KCNK2: variants seen among roughly 807,000 people sequenced by gnomAD.
The protein encoded by KCNK2 is potassium channel subfamily K member 2.
In KCNK2, 21 loss-of-function variants were observed where a neutral mutation model predicts 40.5. That is an observed-to-expected ratio of 0.52 (90% CI 0.37 to 0.75). KCNK2 has a LOEUF of 0.75. KCNK2 is among the 30% of genes least tolerant of loss of function. KCNK2 has a pLI of 0.00. For missense variants in KCNK2, 399 were observed against 531.6 expected (o/e 0.75, Z 2.45); for synonymous variants, 191 against 202.2 (o/e 0.94, Z 0.47).
intron 3 of KCNK2, among the ~76,000 whole-genome samples, chr1:215,148,811 G>A (rs752616621): frequency 2.0e-5 from 3 of 152,216 alleles, no homozygotes; most frequent in Non-Finnish European, 4.4e-5. Context: ...GACTGTGTGT[G>A]AAAGTGGTGT....
At chr1:215,007,029 A>ATGTGTGTGTGTG (rs1447540201) in intron 1 of KCNK2, among the ~76,000 whole-genome samples, 115 of 68,364 alleles carry the variant, frequency 1.7e-3, no homozygotes, top group East Asian at 4.1e-3. Flanking sequence ...ATATATATAT[A>ATGTGTGTGTGTG]TATATATATG....
chr1:215,212,509 G>A (rs1328015517), intron 6 of KCNK2, among the ~76,000 whole-genome samples: 1 of 152,118 alleles, frequency 6.6e-6, no homozygotes, highest in South Asian at 2.1e-4. Flanking sequence ...TGTTTCTAGA[G>A]AACAATAAGC....
intron 3 of KCNK2, among the ~76,000 whole-genome samples, chr1:215,153,315 G>A (rs1662767802): frequency 6.6e-6 from 1 of 152,148 alleles, no homozygotes; most frequent in Admixed American, 6.5e-5. Context: ...ATATTCTTAA[G>A]TCACGATCCA....
At chr1:215,231,861 C>T (rs921205544) in intron 6 of KCNK2, among the ~76,000 whole-genome samples, 3 of 152,078 alleles carry the variant, frequency 2.0e-5, no homozygotes, top group Non-Finnish European at 2.9e-5. Flanking sequence ...TACGTGGCAG[C>T]GGGCAAGAGA....
chr1:215,042,053 G>A (rs1562993), intron 1 of KCNK2, among the ~76,000 whole-genome samples: 129,527 of 152,032 alleles, frequency 0.85, 55,458 homozygotes, highest in East Asian at 0.99. Flanking sequence ...CTTATTAACT[G>A]TCACAAAAAT....
intron 1 of KCNK2, among the ~76,000 whole-genome samples, chr1:215,035,967 C>T (rs1476015636): frequency 6.6e-6 from 1 of 151,348 alleles, no homozygotes; most frequent in Non-Finnish European, 1.5e-5. Flanking sequence ...TGTCCTTTGT[C>T]AAATATATGC....
At chr1:215,132,152 A>G (rs1293583079) in intron 3 of KCNK2, among the ~76,000 whole-genome samples, 1 of 152,222 alleles carries the variant, frequency 6.6e-6, no homozygotes, top group South Asian at 2.1e-4. Flanking sequence ...TTCAGCAGGG[A>G]GTCTAATACC....
At chr1:215,058,407 A>G (rs749885782) in intron 1 of KCNK2, among the ~76,000 whole-genome samples, 1 of 152,144 alleles carries the variant, frequency 6.6e-6, no homozygotes, top group Non-Finnish European at 1.5e-5. Flanking sequence ...TCTCCTCTAT[A>G]TATCTTTTCA....
chr1:215,129,597 G>A (rs935290955), intron 3 of KCNK2, among the ~76,000 whole-genome samples: 2 of 152,116 alleles, frequency 1.3e-5, no homozygotes, highest in Non-Finnish European at 2.9e-5. Flanking sequence ...AAAGTGGAAA[G>A]ATTAATGAAG....
chr1:215,208,623 G>T (rs1304910643), intron 6 of KCNK2, among the ~76,000 whole-genome samples: 7 of 152,092 alleles, frequency 4.6e-5, no homozygotes, highest in African/African-American at 1.7e-4. Flanking sequence ...AAGCCCTTGA[G>T]TATCTTCTGA....
chr1:215,005,734 T>C, upstream of KCNK2: 1 of 566,316 alleles, frequency 1.8e-6, no homozygotes, highest in Non-Finnish European at 3.2e-6. Flanking sequence ...CAGCGTTTGT[T>C]CGTTTTGAGT....
At chr1:215,167,887 A>G (rs1663518897) in intron 3 of KCNK2, among the ~76,000 whole-genome samples, 1 of 152,180 alleles carries the variant, frequency 6.6e-6, no homozygotes, top group Admixed American at 6.6e-5. Context: ...TAATTAAGCC[A>G]AAGAGCTTCT....
intron 1 of KCNK2, among the ~76,000 whole-genome samples, chr1:215,070,415 T>TA (rs536258219): frequency 2.1e-3 from 192 of 93,566 alleles, no homozygotes; most frequent in South Asian, 0.013. Flanking sequence ...GACCCCGTCT[T>TA]AAAAAAAAAA....
intron 3 of KCNK2, among the ~76,000 whole-genome samples, chr1:215,158,004 G>A (rs955022734): frequency 2.0e-5 from 3 of 152,128 alleles, no homozygotes; most frequent in Non-Finnish European, 4.4e-5. Flanking sequence ...CCTTTGTGTT[G>A]AAAAACTGCC....
chr1:215,007,183 GGGTATATATATATATATATATATA>G (rs1286761471), intron 1 of KCNK2, among the ~76,000 whole-genome samples: 3,481 of 83,572 alleles, frequency 0.042, 412 homozygotes, highest in African/African-American at 0.17. Context: ...GTATGTGTGT[GGGTATATATATATATATATATATA>G]TATATATATA....
intron 3 of KCNK2, among the ~76,000 whole-genome samples, chr1:215,148,183 A>G (rs1346679039): frequency 6.3e-5 from 9 of 142,604 alleles, no homozygotes; most frequent in Non-Finnish European, 1.0e-4. Flanking sequence ...GAGCTCAAGC[A>G]ATCCTCCCAC....
chr1:215,073,163 C>T (rs1031799175), intron 1 of KCNK2, among the ~76,000 whole-genome samples: 7 of 152,100 alleles, frequency 4.6e-5, no homozygotes, highest in African/African-American at 1.7e-4. Flanking sequence ...TGCTGGTAAG[C>T]CCCAGAACCC....
chr1:215,176,474 T>C (rs1404532334), intron 5 of KCNK2, among the ~76,000 whole-genome samples: 1 of 152,094 alleles, frequency 6.6e-6, no homozygotes, highest in Non-Finnish European at 1.5e-5. Context: ...TTAGCTATTC[T>C]TCCTGTTGCT....
At chr1:215,162,892 G>A (rs1185962351) in intron 3 of KCNK2, among the ~76,000 whole-genome samples, 4 of 151,260 alleles carry the variant, frequency 2.6e-5, no homozygotes, top group African/African-American at 4.9e-5. Flanking sequence ...TTTTTATTAG[G>A]ATCGTCTTGG....
Sources: allele counts gnomAD v4.1 joint callset (sites outside exome capture counted in the v4.1 genomes callset), GRCh38; gene constraint gnomAD v4.1.1; transcripts MANE v1.5; gene names NCBI Gene and HGNC (gene_info 2026-07-23, HGNC 2026-07-21).